Variants in TSG101 observed in about 807,000 individuals in gnomAD.
TSG101 encodes the protein tumor susceptibility gene 101 protein.
In TSG101, 19 loss-of-function variants were observed where a neutral mutation model predicts 48.5. The ratio of observed to expected loss-of-function variants is 0.39; its 90% CI spans 0.27 to 0.58. The LOEUF (loss-of-function observed/expected upper bound fraction) is 0.58. Among genes scored for constraint, TSG101 ranks in the 20% least tolerant of loss-of-function variants. The pLI is 0.55. For missense variants in TSG101, 365 were observed against 484.4 expected (o/e 0.75, Z 2.31); for synonymous variants, 174 against 169.4 (o/e 1.03, Z -0.21).
chr11:18,523,564 G>A (rs1053715089), intron 1 of TSG101, among the ~76,000 whole-genome samples: 4 of 152,048 alleles, frequency 2.6e-5, no homozygotes, highest in African/African-American at 7.3e-5. Flanking sequence ...GTGCAGTGGC[G>A]TGATCTCAGC....
chr11:18,493,575 T>C (rs1849728431), intron 7 of TSG101, among the ~76,000 whole-genome samples: 1 of 152,210 alleles, frequency 6.6e-6, no homozygotes, highest in Admixed American at 6.5e-5. Context: ...GGATGTTACT[T>C]GCTCAGGCCC....
chr11:18,481,383 C>T, intron 9 of TSG101: 1 of 1,273,970 alleles, frequency 7.8e-7, no homozygotes, highest in Non-Finnish European at 9.9e-7. Flanking sequence ...GAGTTACACT[C>T]ATCTTAATGC....
intron 6 of TSG101, among the ~76,000 whole-genome samples, chr11:18,504,261 T>C (rs1849934518): frequency 1.3e-5 from 2 of 151,916 alleles, no homozygotes; most frequent in Non-Finnish European, 1.5e-5. Context: ...CTTCTGAGTT[T>C]ATCGTCAATA....
At chr11:18,499,398 A>ATTTTTTT (rs1453156165) in intron 7 of TSG101, among the ~76,000 whole-genome samples, 2 of 5,022 alleles carry the variant, frequency 4.0e-4, no homozygotes, top group African/African-American at 1.0e-3. Flanking sequence ...ATATATATAT[A>ATTTTTTT]TATATTTTTT....
intron 7 of TSG101, among the ~76,000 whole-genome samples, chr11:18,494,699 G>A (rs1476805340): frequency 1.3e-5 from 2 of 152,190 alleles, no homozygotes; most frequent in Admixed American, 6.5e-5. Flanking sequence ...AAGGAAGTCT[G>A]TGAAAGGTGT....
Position 18,487,285 on chromosome 11 carries a change from T to A in TSG101, c.641-3213A>T, listed in dbSNP as rs938736825. The stretch of plus-strand genomic sequence containing the variant: ...AATAAAAAAAAAAAAGAAAAAAAAA[T>A]TTCTGTTCCCAAGGGAACATCCAAA... On this transcript the variant is annotated intron_variant, in intron 7 of 9. Coordinates refer to ENST00000251968, the MANE Select transcript of TSG101 (RefSeq NM_006292.4). 2.0e-5 allele frequency among the ~76,000 whole-genome samples: 3 copies of A among 151,058 alleles called. No homozygotes were observed. In the South Asian group the frequency reaches 6.3e-4, roughly 32 times the overall value.
intron 8 of TSG101, 113 bp from the exon 9 acceptor site, chr11:18,481,982 G>C: frequency 7.1e-7 from 1 of 1,401,052 alleles, no homozygotes; most frequent in African/African-American, 1.4e-5. Context: ...AACAACTCAT[G>C]GATGAGAATA....
intron 3 of TSG101, among the ~76,000 whole-genome samples, chr11:18,515,186 T>C (rs566565047): frequency 6.6e-5 from 10 of 152,316 alleles, no homozygotes; most frequent in African/African-American, 9.6e-5. Flanking sequence ...TGTAATCTCA[T>C]AGCACTTTTT....
intron 7 of TSG101, among the ~76,000 whole-genome samples, chr11:18,487,891 T>C (rs1849643836): frequency 6.6e-6 from 1 of 152,090 alleles, no homozygotes; most frequent in Non-Finnish European, 1.5e-5. Flanking sequence ...TATTTGGGTA[T>C]TTTTTGTTTT....
chr11:18,494,798 T>C (rs1419312705), intron 7 of TSG101, among the ~76,000 whole-genome samples: 1 of 152,034 alleles, frequency 6.6e-6, no homozygotes, highest in Non-Finnish European at 1.5e-5. Context: ...ATCCTGAAAG[T>C]ACAGTTTCTG....
At chr11:18,481,450 A>C (rs1849538388) in intron 9 of TSG101, 180 bp downstream of exon 9, 1 of 1,401,722 alleles carries the variant, frequency 7.1e-7, no homozygotes, top group Non-Finnish European at 9.3e-7. Context: ...TGCTCAGACC[A>C]ATCCTCAGTA....
At chr11:18,486,968 G>A (rs1434894122) in intron 7 of TSG101, among the ~76,000 whole-genome samples, 1 of 151,744 alleles carries the variant, frequency 6.6e-6, no homozygotes, top group Non-Finnish European at 1.5e-5. Context: ...GTCCTTTGTA[G>A]GGACATGGAT....
At chr11:18,504,660 A>T (rs956248333) in intron 6 of TSG101, among the ~76,000 whole-genome samples, 4 of 152,110 alleles carry the variant, frequency 2.6e-5, no homozygotes, top group African/African-American at 4.8e-5. Context: ...ACATTGCTGA[A>T]TTTTTTTGTA....
At chr11:18,493,071 C>T (rs1248819448) in intron 7 of TSG101, among the ~76,000 whole-genome samples, 1 of 152,138 alleles carries the variant, frequency 6.6e-6, no homozygotes, top group Non-Finnish European at 1.5e-5. Context: ...TACCCCAAGT[C>T]CCCAACACAC....
intron 6 of TSG101, among the ~76,000 whole-genome samples, chr11:18,504,061 T>G (rs1849930483): frequency 6.6e-6 from 1 of 151,720 alleles, no homozygotes; most frequent in Non-Finnish European, 1.5e-5. Flanking sequence ...ATTAGCTAGG[T>G]GTAGGGGCAC....
At chr11:18,506,242 A>G (rs1018687266) in intron 6 of TSG101, among the ~76,000 whole-genome samples, 3 of 152,068 alleles carry the variant, frequency 2.0e-5, no homozygotes, top group African/African-American at 4.8e-5. Context: ...AAATGGGTTG[A>G]GTAATGACAG....
At chr11:18,490,517 T>C (rs998720611) in intron 7 of TSG101, 3 of 491,930 alleles carry the variant, frequency 6.1e-6, no homozygotes, top group Non-Finnish European at 1.2e-5. Context: ...TTTCAAATGC[T>C]TCCTGGTAAG....
chr11:18,519,731 C>T, intron 1 of TSG101, 128 bp from the exon 2 acceptor site: 1 of 631,628 alleles, frequency 1.6e-6, no homozygotes, highest in Non-Finnish European at 2.7e-6. Flanking sequence ...ACCTAAAAAA[C>T]CCATAATACT....
At chr11:18,505,812 T>C (rs950983259) in intron 6 of TSG101, among the ~76,000 whole-genome samples, 28 of 152,082 alleles carry the variant, frequency 1.8e-4, no homozygotes, top group African/African-American at 6.5e-4. Context: ...ATAGAAAAGA[T>C]AGGTTGTGGG....
Sources: allele counts gnomAD v4.1 joint callset (sites outside exome capture counted in the v4.1 genomes callset), GRCh38; gene constraint gnomAD v4.1.1; transcripts MANE v1.5; gene names NCBI Gene and HGNC (gene_info 2026-07-23, HGNC 2026-07-21).